Variants in NCAM2 observed in about 807,000 individuals in gnomAD.
The protein encoded by NCAM2 is N-CAM-2.
In NCAM2, 30 loss-of-function variants were observed where a neutral mutation model predicts 98.1. The observed-to-expected ratio is 0.31, with a 90% CI of 0.23 to 0.41. The LOEUF (loss-of-function observed/expected upper bound fraction) is 0.41. Among genes scored for constraint, NCAM2 ranks in the 10% least tolerant of loss-of-function variants. The pLI, the probability that NCAM2 is intolerant of heterozygous loss-of-function variation, is 1.00. For missense variants in NCAM2, 867 were observed against 1,005.8 expected (o/e 0.86, Z 1.87); for synonymous variants, 368 against 342.4 (o/e 1.07, Z -0.83).
At chr21:21,411,031 T>TACACAC (rs1555889814) in intron 10 of NCAM2, among the ~76,000 whole-genome samples, 1 of 76,342 alleles carries the variant, frequency 1.3e-5, no homozygotes, top group Non-Finnish European at 2.2e-5. Flanking sequence ...TATATATATA[T>TACACAC]ACACACATAT....
chr21:21,501,615 T>TC (rs926850293), intron 15 of NCAM2, among the ~76,000 whole-genome samples: 8 of 68,442 alleles, frequency 1.2e-4, no homozygotes, highest in Non-Finnish European at 2.5e-4. Flanking sequence ...GGATTAATGT[T>TC]CCTTTTTTTT....
intron 5 of NCAM2, among the ~76,000 whole-genome samples, chr21:21,313,546 A>T (rs995888150): frequency 6.6e-6 from 1 of 151,896 alleles, no homozygotes. Flanking sequence ...TTTGAATGGC[A>T]TATTTTTTCT....
chr21:21,416,518 G>GAAAAA (rs79612070), intron 10 of NCAM2, among the ~76,000 whole-genome samples: 8 of 150,124 alleles, frequency 5.3e-5, no homozygotes, highest in South Asian at 2.1e-4. Context: ...AAAGAAAAAA[G>GAAAAA]AAAAACACTA....
intron 1 of NCAM2, among the ~76,000 whole-genome samples, chr21:21,012,137 A>G (rs1449647630): frequency 6.6e-6 from 1 of 152,154 alleles, no homozygotes; most frequent in Non-Finnish European, 1.5e-5. Flanking sequence ...AATCCAGGTT[A>G]GTGACTGCCA....
intron 1 of NCAM2, among the ~76,000 whole-genome samples, chr21:21,227,589 A>G (rs1399065889): frequency 6.6e-6 from 1 of 151,860 alleles, no homozygotes; most frequent in Non-Finnish European, 1.5e-5. Flanking sequence ...GCTTCCGAAT[A>G]GAAAATGAAA....
intron 8 of NCAM2, among the ~76,000 whole-genome samples, chr21:21,361,916 G>A (rs1360508496): frequency 3.3e-5 from 5 of 151,688 alleles, no homozygotes; most frequent in Non-Finnish European, 5.9e-5. Context: ...GTTACTTTTG[G>A]TTCAGACATA....
intron 1 of NCAM2, among the ~76,000 whole-genome samples, chr21:21,181,985 G>A (rs2068488978): frequency 6.7e-6 from 1 of 149,892 alleles, no homozygotes; most frequent in Non-Finnish European, 1.5e-5. Flanking sequence ...TTGATCCCAG[G>A]AGTTTGAGAC....
At chr21:21,063,393 G>A (rs1002978822) in intron 1 of NCAM2, among the ~76,000 whole-genome samples, 4 of 151,306 alleles carry the variant, frequency 2.6e-5, no homozygotes, top group African/African-American at 9.7e-5. Context: ...GCTAATTTTT[G>A]TATTTTTAGT....
chr21:21,000,761 A>C (rs896090953), intron 1 of NCAM2, among the ~76,000 whole-genome samples: 1 of 152,222 alleles, frequency 6.6e-6, no homozygotes, highest in East Asian at 1.9e-4. Flanking sequence ...CTTCTATGCC[A>C]TGTGTCCTGA....
intron 1 of NCAM2, among the ~76,000 whole-genome samples, chr21:21,163,917 G>A (rs540855290): frequency 6.6e-6 from 1 of 152,274 alleles, no homozygotes; most frequent in East Asian, 1.9e-4. Context: ...AGTGGGACCA[G>A]TTTGGGTTCT....
At chr21:21,413,190 A>T (rs1409280497) in intron 10 of NCAM2, among the ~76,000 whole-genome samples, 1 of 152,176 alleles carries the variant, frequency 6.6e-6, no homozygotes, top group Non-Finnish European at 1.5e-5. Flanking sequence ...AAACTTTTCA[A>T]TATGTGGGCA....
At chr21:21,120,157 T>G (rs552345976) in intron 1 of NCAM2, among the ~76,000 whole-genome samples, 1 of 152,220 alleles carries the variant, frequency 6.6e-6, no homozygotes, top group African/African-American at 2.4e-5. Context: ...CTTTGCAAGT[T>G]TTATTAGTTT....
Position 21,074,886 on chromosome 21 carries a change from A to G in NCAM2, c.55+76268A>G, listed in dbSNP as rs547348616. Among the ~76,000 whole-genome samples, 6 of 152,324 alleles carry G rather than the reference A, an allele frequency of 3.9e-5. No homozygotes were observed. The South Asian group carries it at 1.2e-3, about 32-fold the overall frequency. On this transcript the variant is annotated intron_variant, in intron 1 of 17. Transcript: ENST00000400546. Reference sequence around the variant, plus strand: ...TTCATCATTCTATAAAGACATGCACATGTATGTTTATTACGGCACTATTCA... The same window carrying G: ...TTCATCATTCTATAAAGACATGCACGTGTATGTTTATTACGGCACTATTCA...
intron 16 of NCAM2, among the ~76,000 whole-genome samples, chr21:21,533,165 G>GTTTTTTTTTTTTTT (rs1260862030): frequency 5.3e-5 from 2 of 37,786 alleles, no homozygotes; most frequent in African/African-American, 1.2e-4. Flanking sequence ...TTGTTTGCTT[G>GTTTTTTTTTTTTTT]CTTTTTTTTT....
chr21:21,440,687 A>T (rs536896990), intron 12 of NCAM2, among the ~76,000 whole-genome samples: 19 of 147,612 alleles, frequency 1.3e-4, no homozygotes, highest in Non-Finnish European at 2.5e-4. Flanking sequence ...CAACAGCAAC[A>T]ACAAAAAAAA....
intron 12 of NCAM2, among the ~76,000 whole-genome samples, chr21:21,452,512 T>A (rs1981288878): frequency 7.7e-6 from 1 of 130,372 alleles, no homozygotes; most frequent in African/African-American, 2.9e-5. Context: ...TAATATATAA[T>A]ATATAAAATA....
intron 14 of NCAM2, 52 bp downstream of exon 14, chr21:21,468,835 G>C: frequency 4.7e-6 from 7 of 1,487,600 alleles, no homozygotes; most frequent in South Asian, 2.5e-5. Flanking sequence ...AAATTAAATT[G>C]AGTTGCACTG....
intron 1 of NCAM2, among the ~76,000 whole-genome samples, chr21:21,231,546 T>C (rs1458032086): frequency 6.6e-6 from 1 of 151,448 alleles, no homozygotes; most frequent in Non-Finnish European, 1.5e-5. Context: ...TATTAAACTA[T>C]GTTTCAAGGA....
chr21:21,239,948 T>C (rs974715985), intron 1 of NCAM2, among the ~76,000 whole-genome samples: 1 of 152,058 alleles, frequency 6.6e-6, no homozygotes, highest in Admixed American at 6.6e-5. Flanking sequence ...AAAATCAATC[T>C]CTTTCTCTTT....
Sources: gnomAD v4.1 joint callset for allele counts (sites outside exome capture counted in the v4.1 genomes callset) on GRCh38, gnomAD v4.1.1 for gene constraint, MANE v1.5 for transcripts, NCBI Gene and HGNC (gene_info 2026-07-23, HGNC 2026-07-21) for gene names.